Variants in HDLBP observed in about 807,000 individuals in gnomAD.
The protein encoded by HDLBP is vigilin.
A neutral mutation model predicts 137.3 loss-of-function variants in HDLBP; 30 were observed. The observed-to-expected ratio is 0.22, with a 90% CI of 0.16 to 0.30. The LOEUF is 0.30. HDLBP is among the 10% of genes least tolerant of loss of function. The probability of loss-of-function intolerance (pLI) is 1.00; values close to 1 mark genes in which losing one functional copy is unlikely to be tolerated. For missense variants in HDLBP, 1,119 were observed against 1,667.3 expected (o/e 0.67, Z 5.73); for synonymous variants, 606 against 596.0 (o/e 1.02, Z -0.24).
chr2:241,272,489 G>C lies in HDLBP; in HGVS notation c.-102-3948C>G, dbSNP rs2074160410. 1.0e-6 allele frequency: 1 copy of C among 984,398 alleles called. No individual in the cohort carries two copies. The highest frequency in any genetic ancestry group is 1.8e-5 in the African/African-American group (1 of 57,052). The allele number at this position is 984,398 out of a possible 1,614,324, so 61.0% of individuals were successfully genotyped here. A position where few individuals can be genotyped will look rare whatever the true frequency, so the allele number is the denominator to read the frequency against. On this transcript the variant is annotated intron_variant, in intron 1 of 27. Coordinates refer to ENST00000310931, the MANE Select transcript of HDLBP (RefSeq NM_005336.6). The surrounding 1 kb of genome is among the most constrained non-coding windows in gnomAD (Gnocchi z 5.6). ...GCGGCCCAGCGGCGCCACCGGACTTGAGAAAGTTTGTGCGCGCCCCTCCGC... is the reference window on the plus strand; with the variant it reads ...GCGGCCCAGCGGCGCCACCGGACTTCAGAAAGTTTGTGCGCGCCCCTCCGC...
In HDLBP at chr2:241,264,501, C is replaced by T. The variant is rs11891776; in HGVS notation, c.181G>A (p.Ala61Thr). 106 of 1,613,464 alleles carry T rather than the reference C, an allele frequency of 6.6e-5. No individual in the cohort carries two copies. The highest frequency in any genetic ancestry group is 6.0e-4 in the East Asian group (27 of 44,878). Residue 61 changes from alanine to threonine, a missense_variant, in exon 4 of 28, where the codon GCT becomes ACT. Ala to Thr is a moderately conservative substitution (Grantham distance 58, BLOSUM62 0). Transcript: ENST00000310931. ...AACLESAQEP[A>T]GAWGNKIRPI... ...CGGATCTTGTTCCCCCAGGCTCCAG[C>T]GGGTTCCTGGGCACTTTCCAGGCAA...
rs1182254507 is a variant in HDLBP at position 241,229,462 on chromosome 2, G to C, written c.*139C>G. ...CGGCCGCACACACAGCCAGGCGCTA[G>C]GCTCCCTGCGGGACCTCGGGAAGGG... On this transcript the variant is annotated 3_prime_UTR_variant, in exon 28 of 28. Coordinates refer to ENST00000310931, the MANE Select transcript of HDLBP (RefSeq NM_005336.6). The C allele has an allele frequency of 1.1e-5, 7 of 654,738 alleles. No individual in the cohort carries two copies. The highest frequency in any genetic ancestry group is 1.6e-5 in the Non-Finnish European group (6 of 378,604). The allele number at this position is 654,738 out of a possible 1,614,324, so 40.6% of individuals were successfully genotyped here. A position where few individuals can be genotyped will look rare whatever the true frequency, so the allele number is the denominator to read the frequency against.
intron 1 of HDLBP, among the ~76,000 whole-genome samples, chr2:241,297,991 TGAGCCGA>T (rs2075245294): frequency 7.7e-6 from 1 of 130,418 alleles, no homozygotes; most frequent in South Asian, 2.4e-4. Context: ...GAGGTTGCAG[TGAGCCGA>T]GAGCTCGCTA....
intron 1 of HDLBP, among the ~76,000 whole-genome samples, chr2:241,299,145 A>G (rs910011463): frequency 1.3e-5 from 2 of 152,216 alleles, no homozygotes; most frequent in Non-Finnish European, 1.5e-5. Flanking sequence ...GCTGTACGGT[A>G]CCCGTACCTC....
chr2:241,255,859 G>C (rs774743266), intron 7 of HDLBP, among the ~76,000 whole-genome samples: 6 of 152,184 alleles, frequency 3.9e-5, no homozygotes, highest in Non-Finnish European at 8.8e-5. Flanking sequence ...ACACGTTTCA[G>C]ACCTCAAAGT....
At chr2:241,249,570 T>C (rs1351851039) in intron 12 of HDLBP, among the ~76,000 whole-genome samples, 1 of 152,240 alleles carries the variant, frequency 6.6e-6, no homozygotes, top group African/African-American at 2.4e-5. Flanking sequence ...CCCAGGCATC[T>C]GGGCACCCAG....
chr2:241,230,863 G>T lies in HDLBP; in HGVS notation c.3370C>A (p.Leu1124Ile), dbSNP rs1287534661. 5 of 1,614,080 alleles carry T rather than the reference G, an allele frequency of 3.1e-6. No homozygotes were observed. The highest frequency in any genetic ancestry group is 4.2e-6 in the Non-Finnish European group (5 of 1,180,008). The change falls in exon 25 of 28, where the codon CTT becomes ATT. Residue 1124 changes from leucine (L) to isoleucine (I), a missense_variant. Around this residue, in one of 4 missense-constraint regions of HDLBP, gnomAD observed 618 missense variants for 816.7 expected, o/e 0.76. Coordinates refer to ENST00000310931, the MANE Select transcript of HDLBP (RefSeq NM_005336.6). This position sits in a 1 kb window ranked among gnomAD's most constrained non-coding sequence, Gnocchi z 5.0. ...RDAILRIVGE[L>I]EQMVSEDVPL... The stretch of plus-strand genomic sequence containing the variant: ...ACGTCCTCAGAAACCATCTGCTCAA[G>T]TTCACCCACAATTCTCAGTATAGCA...
chr2:241,247,248 T>A, intron 14 of HDLBP, 106 bp from the exon 15 acceptor site: 2 of 725,538 alleles, frequency 2.8e-6, no homozygotes, highest in Middle Eastern at 2.3e-4. Context: ...GCACTGGTAT[T>A]TGCAAACAAA....
At position 241,272,659 on chromosome 2, in the gene HDLBP, C is replaced by G; in HGVS notation, c.-102-4118G>C. 1.1e-6 allele frequency: 1 copy of G among 922,680 alleles called. No individual in the cohort carries two copies. Among genetic ancestry groups the G allele is most frequent in the Non-Finnish European group, 1.3e-6 (1 of 776,062 alleles). 57.2% of individuals were successfully genotyped at this position (922,680 alleles called of 1,614,324 possible). ...CGGCACCCGGGCCCCTCCCCCTCCG[C>G]GGCCTCCACGTCAGCAGCCACCCCC... On this transcript the variant is annotated intron_variant, in intron 1 of 27. Transcript: ENST00000310931. This position sits in a 1 kb window ranked among gnomAD's most constrained non-coding sequence, Gnocchi z 5.6.
chr2:241,254,684 C>T (rs1020194935), intron 9 of HDLBP, among the ~76,000 whole-genome samples: 5 of 152,094 alleles, frequency 3.3e-5, no homozygotes, highest in African/African-American at 1.2e-4. Flanking sequence ...CGGGGTTTCA[C>T]CATGTTAGCC....
At chr2:241,308,363 T>C (rs2075648794) in intron 1 of HDLBP, among the ~76,000 whole-genome samples, 1 of 152,120 alleles carries the variant, frequency 6.6e-6, no homozygotes, top group African/African-American at 2.4e-5. Context: ...TAAATTTAAG[T>C]GAAACTCAAG....
intron 1 of HDLBP, among the ~76,000 whole-genome samples, chr2:241,302,190 C>G (rs974941248): frequency 6.6e-6 from 1 of 152,020 alleles, no homozygotes; most frequent in Admixed American, 6.5e-5. Context: ...CCCAGGAGTT[C>G]GAGACTGCAG....
rs530879438 is a variant in HDLBP, at chr2:241,278,985, A to G, written c.-102-10444T>C. 2.0e-5 allele frequency among the ~76,000 whole-genome samples: 3 copies of G among 152,318 alleles called. No individual in the cohort carries two copies. In the East Asian group the frequency reaches 5.8e-4, roughly 29 times the overall value. ...TGCTGCAGTGAACCAAGATCACGCC[A>G]CTGCACTGCCGCGTGAGCAACAGCG... On this transcript the variant is annotated intron_variant, in intron 1 of 27. Coordinates refer to ENST00000310931, the MANE Select transcript of HDLBP (RefSeq NM_005336.6).
intron 1 of HDLBP, among the ~76,000 whole-genome samples, chr2:241,313,256 A>C (rs1273103774): frequency 6.6e-6 from 1 of 152,186 alleles, no homozygotes; most frequent in Non-Finnish European, 1.5e-5. Context: ...AAGCTGCCTG[A>C]GGAAAAGAAA....
intron 5 of HDLBP, among the ~76,000 whole-genome samples, chr2:241,257,464 C>G (rs1361202978): frequency 6.6e-6 from 1 of 152,182 alleles, no homozygotes; most frequent in Admixed American, 6.5e-5. Flanking sequence ...AATTCCTGAC[C>G]TTGTGATCCG....
In HDLBP at chr2:241,272,525, C is replaced by T. The variant is rs1191599360; in HGVS notation, c.-102-3984G>A. Reference sequence around the variant, plus strand: ...TGCGCGCCCCTCCGCGCCACGGCCACGCGCAGAAGAGACTCGGAGCCGGCC... The same window carrying T: ...TGCGCGCCCCTCCGCGCCACGGCCATGCGCAGAAGAGACTCGGAGCCGGCC... On this transcript the variant is annotated intron_variant, in intron 1 of 27. Coordinates refer to ENST00000310931, the MANE Select transcript of HDLBP (RefSeq NM_005336.6). The surrounding 1 kb of genome is among the most constrained non-coding windows in gnomAD (Gnocchi z 5.6). The T allele has an allele frequency of 1.0e-6, 1 of 984,474 alleles. No individual in the cohort carries two copies. Among genetic ancestry groups the T allele is most frequent in the Non-Finnish European group, 1.2e-6 (1 of 829,664 alleles). 61.0% of individuals were successfully genotyped at this position (984,474 alleles called of 1,614,324 possible).
At chr2:241,286,724 T>G (rs908991515) in intron 1 of HDLBP, among the ~76,000 whole-genome samples, 6 of 152,142 alleles carry the variant, frequency 3.9e-5, no homozygotes, top group Non-Finnish European at 8.8e-5. Flanking sequence ...CTGAGACTTG[T>G]CAGATTTCCT....
Position 241,229,820 on chromosome 2 carries a change from G to A in HDLBP, c.3720+13C>T, listed in dbSNP as rs763358721. On this transcript the variant is annotated intron_variant, in intron 27 of 27. Transcript: ENST00000310931. The stretch of plus-strand genomic sequence containing the variant: ...CTCCCTGGGACCCAGGAGGGCAGAA[G>A]CCCGCATCTGACCTTCTCACTGCTG... 2.0e-5 allele frequency: 22 copies of A among 1,089,482 alleles called. No individual in the cohort carries two copies. Among genetic ancestry groups the A allele is most frequent in the South Asian group, 3.9e-5 (3 of 77,426 alleles). 67.5% of individuals were successfully genotyped at this position (1,089,482 alleles called of 1,614,324 possible). A position where few individuals can be genotyped will look rare whatever the true frequency, so the allele number is the denominator to read the frequency against.
chr2:241,314,502 A>C (rs2075923358), intron 1 of HDLBP, among the ~76,000 whole-genome samples: 1 of 152,224 alleles, frequency 6.6e-6, no homozygotes, highest in Non-Finnish European at 1.5e-5. Flanking sequence ...GTAGCTATGA[A>C]TCTGAGGACA....
Sources: allele counts gnomAD v4.1 joint callset (sites outside exome capture counted in the v4.1 genomes callset), GRCh38; gene constraint gnomAD v4.1.1; regional missense constraint gnomAD v4.1.1; non-coding constraint Gnocchi (gnomAD v3.1); transcripts MANE v1.5; gene names NCBI Gene and HGNC (gene_info 2026-07-23, HGNC 2026-07-21).